Variants in GRM8 observed in about 807,000 individuals in gnomAD.
GRM8 encodes the protein glutamate metabotropic receptor 8.
Under a neutral mutation model 87.2 loss-of-function variants are expected in GRM8, and 47 were observed. The observed-to-expected ratio is 0.54, with a 90% CI of 0.43 to 0.69. GRM8 has a LOEUF of 0.69. Ranked by LOEUF, GRM8 falls within the 30% of genes least tolerant of loss-of-function variation. The pLI is 0.00. For synonymous variants in GRM8, 396 were observed against 404.5 expected (o/e 0.98, Z 0.25); for missense variants, 1,019 against 1,139.2 (o/e 0.89, Z 1.52).
chr7:126,631,548 TA>T (rs1392271909), intron 7 of GRM8, among the ~76,000 whole-genome samples: 2 of 151,352 alleles, frequency 1.3e-5, no homozygotes, highest in Admixed American at 6.6e-5. Context: ...AAATTGATAT[TA>T]AAAACAAAAA....
intron 6 of GRM8, among the ~76,000 whole-genome samples, chr7:126,824,564 T>C (rs1159481284): frequency 6.6e-6 from 1 of 152,162 alleles, no homozygotes; most frequent in Non-Finnish European, 1.5e-5. Flanking sequence ...GGTATACTTA[T>C]GTGTCCTACC....
At chr7:126,605,223 T>C (rs1798239274) in intron 8 of GRM8, among the ~76,000 whole-genome samples, 1 of 152,144 alleles carries the variant, frequency 6.6e-6, no homozygotes, top group African/African-American at 2.4e-5. Flanking sequence ...TGTTTTGTAA[T>C]CACTAATAAG....
intron 6 of GRM8, among the ~76,000 whole-genome samples, chr7:126,892,106 A>C (rs1586347003): frequency 3.3e-5 from 5 of 150,046 alleles, no homozygotes; most frequent in African/African-American, 1.2e-4. Context: ...TAGTTTTAAT[A>C]TTTGTATAAC....
chr7:126,555,528 T>C (rs1435947307), intron 8 of GRM8, among the ~76,000 whole-genome samples: 1 of 152,214 alleles, frequency 6.6e-6, no homozygotes, highest in African/African-American at 2.4e-5. Flanking sequence ...CACAAATACC[T>C]GCATTTACTA....
intron 6 of GRM8, among the ~76,000 whole-genome samples, chr7:126,815,127 C>T (rs906267360): frequency 6.6e-6 from 1 of 152,072 alleles, no homozygotes; most frequent in South Asian, 2.1e-4. Flanking sequence ...TAATGTGAGG[C>T]CTTGGTTCCA....
At chr7:127,114,610 C>T (rs1192964455) in intron 2 of GRM8, among the ~76,000 whole-genome samples, 1 of 152,202 alleles carries the variant, frequency 6.6e-6, no homozygotes, top group Non-Finnish European at 1.5e-5. Context: ...TCAATCCATT[C>T]TCACTGCTAG....
intron 7 of GRM8, among the ~76,000 whole-genome samples, chr7:126,683,082 G>A (rs1807788594): frequency 6.6e-6 from 1 of 152,106 alleles, no homozygotes; most frequent in South Asian, 2.1e-4. Flanking sequence ...AAAAGTGTGT[G>A]ACCCCTGTGG....
At chr7:127,208,476 C>T (rs1001249728) in intron 2 of GRM8, among the ~76,000 whole-genome samples, 4 of 152,196 alleles carry the variant, frequency 2.6e-5, no homozygotes, top group Non-Finnish European at 5.9e-5. Flanking sequence ...AATAAAGTCT[C>T]CTTCACAGAT....
intron 9 of GRM8, among the ~76,000 whole-genome samples, chr7:126,506,765 T>C (rs552973428): frequency 6.6e-6 from 1 of 150,640 alleles, no homozygotes; most frequent in East Asian, 2.0e-4. Context: ...GGCAACAGAG[T>C]AAGACTCTGT....
intron 2 of GRM8, among the ~76,000 whole-genome samples, chr7:127,224,898 A>C (rs1362538807): frequency 6.6e-6 from 1 of 152,134 alleles, no homozygotes; most frequent in Admixed American, 6.5e-5. Flanking sequence ...TGCAGGTGTG[A>C]GCCCCTGTGC....
chr7:127,237,520 G>C (rs1046697237), intron 2 of GRM8, among the ~76,000 whole-genome samples: 2 of 152,178 alleles, frequency 1.3e-5, no homozygotes, highest in African/African-American at 2.4e-5. Context: ...AACATAGCAG[G>C]GTAGGCGAAG....
At chr7:127,058,911 CA>C (rs1449900520) in intron 3 of GRM8, among the ~76,000 whole-genome samples, 1 of 152,224 alleles carries the variant, frequency 6.6e-6, no homozygotes, top group Non-Finnish European at 1.5e-5. Flanking sequence ...TGCAGACTGT[CA>C]GTGTGTGACC....
chr7:126,900,533 T>C (rs1356681146), intron 6 of GRM8, among the ~76,000 whole-genome samples: 25 of 152,114 alleles, frequency 1.6e-4, no homozygotes, highest in Non-Finnish European at 3.2e-4. Context: ...TTTTTGGAGA[T>C]AGAGTCTCAC....
At chr7:126,469,416 C>A (rs1804886523) in intron 9 of GRM8, among the ~76,000 whole-genome samples, 1 of 152,106 alleles carries the variant, frequency 6.6e-6, no homozygotes, top group Non-Finnish European at 1.5e-5. Flanking sequence ...ATCAAAATGA[C>A]CATTTCTCCA....
At chr7:126,845,693 T>G (rs947052489) in intron 6 of GRM8, among the ~76,000 whole-genome samples, 1 of 152,234 alleles carries the variant, frequency 6.6e-6, no homozygotes, top group Non-Finnish European at 1.5e-5. Context: ...TGTATCTTTG[T>G]TGGGAACTTA....
At chr7:126,979,542 G>A (rs577181824) in intron 3 of GRM8, among the ~76,000 whole-genome samples, 1 of 152,198 alleles carries the variant, frequency 6.6e-6, no homozygotes, top group African/African-American at 2.4e-5. Flanking sequence ...TTTAATGATC[G>A]AATGCAATTA....
intron 6 of GRM8, among the ~76,000 whole-genome samples, chr7:126,803,901 G>A (rs1381595536): frequency 6.6e-6 from 1 of 152,228 alleles, no homozygotes; most frequent in Non-Finnish European, 1.5e-5. Flanking sequence ...GTTTAAGGCA[G>A]TATGCCTGGC....
chr7:126,554,837 T>C (rs184938440), intron 8 of GRM8, among the ~76,000 whole-genome samples: 28 of 152,330 alleles, frequency 1.8e-4, no homozygotes, highest in African/African-American at 6.0e-4. Context: ...ATAACTTTGT[T>C]TCTAATATAT....
At chr7:126,831,926 G>A (rs777759444) in intron 6 of GRM8, among the ~76,000 whole-genome samples, 15 of 152,020 alleles carry the variant, frequency 9.9e-5, no homozygotes, top group Non-Finnish European at 1.9e-4. Flanking sequence ...CTTGTTTTCT[G>A]TTTCATTTTA....
Sources: gnomAD v4.1 joint callset for allele counts (sites outside exome capture counted in the v4.1 genomes callset) on GRCh38, gnomAD v4.1.1 for gene constraint, MANE v1.5 for transcripts, NCBI Gene and HGNC (gene_info 2026-07-23, HGNC 2026-07-21) for gene names.